Variants in ATL3 observed in about 807,000 individuals in gnomAD.
The protein encoded by ATL3 is atlastin-3.
ATL3 carries 49 observed loss-of-function variants against 69.5 expected under a neutral mutation model. The observed-to-expected ratio is 0.71, with a 90% CI of 0.56 to 0.89. The LOEUF is 0.89. ATL3 is among the 40% of genes least tolerant of loss of function. The probability of loss-of-function intolerance (pLI) is 0.00; values close to 1 mark genes in which losing one functional copy is unlikely to be tolerated. For missense variants in ATL3, 606 were observed against 645.7 expected (o/e 0.94, Z 0.67); for synonymous variants, 214 against 224.1 (o/e 0.95, Z 0.40).
chr11:63,671,107 C>G (rs1187070415), intron 1 of ATL3, among the ~76,000 whole-genome samples, 183 bp downstream of exon 1: 1 of 152,188 alleles, frequency 6.6e-6, no homozygotes, highest in Non-Finnish European at 1.5e-5. Flanking sequence ...GCTGGACCAG[C>G]TGGGCCCGAA....
upstream of ATL3, chr11:63,671,548 C>T: frequency 1.4e-6 from 2 of 1,417,340 alleles, no homozygotes; most frequent in South Asian, 1.5e-5. Flanking sequence ...GAGCGCAGGA[C>T]GAGGCTAGGC....
intron 3 of ATL3, among the ~76,000 whole-genome samples, chr11:63,657,362 T>C (rs1037862571): frequency 2.0e-5 from 3 of 152,188 alleles, no homozygotes; most frequent in African/African-American, 7.2e-5. Context: ...TCTATGCCCA[T>C]AGCTTACAAG....
chr11:63,636,762 G>A (rs1362142576), intron 8 of ATL3, among the ~76,000 whole-genome samples: 1 of 150,244 alleles, frequency 6.7e-6, no homozygotes, highest in Non-Finnish European at 1.5e-5. Context: ...AAAAAAGTGG[G>A]AGAGAAGAAG....
chr11:63,644,055 G>A, intron 7 of ATL3, 114 bp downstream of exon 7: 1 of 683,672 alleles, frequency 1.5e-6, no homozygotes, highest in Non-Finnish European at 2.5e-6. Flanking sequence ...TTCATATATA[G>A]TTAATGTATT....
intron 10 of ATL3, among the ~76,000 whole-genome samples, chr11:63,633,490 T>A (rs1939396128): frequency 6.6e-6 from 1 of 151,878 alleles, no homozygotes; most frequent in South Asian, 2.1e-4. Flanking sequence ...ACTACAACCT[T>A]CGCCTCCTGA....
rs955019113 is a variant in ATL3 at position 63,639,105 on chromosome 11, A to T, written c.851-2771T>A. Among the ~76,000 whole-genome samples the T allele has an allele frequency of 5.3e-5, 8 of 151,780 alleles. No homozygotes were observed. In the South Asian group the frequency reaches 6.2e-4, roughly 12 times the overall value. ...AAATATAATGCCTACCCTTTTTTTTAAATTCTGAAAACTACGTTAGTTCTA... is the reference window on the plus strand; with the variant it reads ...AAATATAATGCCTACCCTTTTTTTTTAATTCTGAAAACTACGTTAGTTCTA... On this transcript the variant is annotated intron_variant, in intron 8 of 12. Coordinates refer to ENST00000398868, the MANE Select transcript of ATL3 (RefSeq NM_015459.5).
chr11:63,671,328 G>C lies in ATL3; in HGVS notation c.8C>G (p.Ser3Cys), dbSNP rs1038855121. The change falls in exon 1 of 13, where the codon TCC (serine) becomes TGC (cysteine). Residue 3 changes from serine (S) to cysteine (C), a missense_variant. Coordinates refer to ENST00000398868, the MANE Select transcript of ATL3 (RefSeq NM_015459.5). The stretch of plus-strand genomic sequence containing the variant: ...GGCAGCTGCTGCCACTCGCTGAGGG[G>C]ACAACATGGAGCCTCCGCCTTCAAA... ML[S>C]PQRVAAAASR... 17 of 1,586,288 alleles carry C rather than the reference G, an allele frequency of 1.1e-5. No individual in the cohort carries two copies. Among genetic ancestry groups the C allele is most frequent in the Non-Finnish European group, 1.5e-5 (17 of 1,168,182 alleles).
intron 8 of ATL3, among the ~76,000 whole-genome samples, chr11:63,638,740 A>C (rs76382726): frequency 6.6e-6 from 1 of 151,832 alleles, no homozygotes. Context: ...AAAAAAAAAA[A>C]CTCAGCAGCT....
rs145981872 is a variant in ATL3 at position 63,641,742 on chromosome 11, C to T, written c.850+1615G>A. 2.7e-3 allele frequency among the ~76,000 whole-genome samples: 412 copies of T among 152,174 alleles called. 1 individual carries two copies. The highest frequency in any genetic ancestry group is 5.4e-3 in the Admixed American group (82 of 15,274). ...TTTGTGGTAATTGGTTAAAGGCAGC[C>T]ACAGGAAATTAATACAACCAAAAGT... On this transcript the variant is annotated intron_variant, in intron 8 of 12. Transcript: ENST00000398868.
rs892735857 is a variant in ATL3 at position 63,625,432 on chromosome 11, T to C, written c.*3887A>G. ...AAGAACCTAGCAAAAAATTAAAAAC[T>C]GTTTTATTAAAGTTTTAATTTTTAA... On this transcript the variant is annotated 3_prime_UTR_variant, in exon 13 of 13. Transcript: ENST00000398868. 1 of 152,156 alleles carries C rather than the reference T, an allele frequency of 6.6e-6. No individual in the cohort carries two copies. Among genetic ancestry groups the C allele is most frequent in the African/African-American group, 2.4e-5 (1 of 41,438 alleles). 9.4% of individuals were successfully genotyped at this position (152,156 alleles called of 1,614,324 possible). A position where few individuals can be genotyped will look rare whatever the true frequency, so the allele number is the denominator to read the frequency against.
chr11:63,664,955 A>G (rs1940531555), intron 1 of ATL3, among the ~76,000 whole-genome samples: 1 of 152,218 alleles, frequency 6.6e-6, no homozygotes, highest in South Asian at 2.1e-4. Flanking sequence ...ATGTGGTTGA[A>G]GGCTACAACC....
chr11:63,645,440 TAC>T (rs1939839800), intron 6 of ATL3, among the ~76,000 whole-genome samples: 1 of 151,934 alleles, frequency 6.6e-6, no homozygotes, highest in Non-Finnish European at 1.5e-5. Flanking sequence ...AAATAAGGCT[TAC>T]ACACTGAAAG....
intron 8 of ATL3, among the ~76,000 whole-genome samples, chr11:63,642,275 G>C (rs1793762994): frequency 1.3e-5 from 2 of 152,134 alleles, no homozygotes; most frequent in Non-Finnish European, 2.9e-5. Context: ...TCACGTAAAA[G>C]TATCAGAGAA....
intron 4 of ATL3, 86 bp from the exon 5 acceptor site, chr11:63,652,072 A>T (rs1940095630): frequency 6.6e-7 from 1 of 1,524,246 alleles, no homozygotes; most frequent in Non-Finnish European, 8.7e-7. Context: ...AGAAGCTTTG[A>T]ACAATTAAAG....
chr11:63,662,015 C>T (rs999250159), intron 1 of ATL3, among the ~76,000 whole-genome samples: 5 of 151,816 alleles, frequency 3.3e-5, no homozygotes, highest in Non-Finnish European at 5.9e-5. Flanking sequence ...AGTTCGAGAC[C>T]ACCCTGGTCC....
At chr11:63,642,017 G>C (rs1477344020) in intron 8 of ATL3, among the ~76,000 whole-genome samples, 2 of 152,116 alleles carry the variant, frequency 1.3e-5, no homozygotes, top group African/African-American at 4.8e-5. Flanking sequence ...TCTGAGTTCA[G>C]GTTGGGAAAA....
At chr11:63,633,815 A>G (rs973337902) in intron 10 of ATL3, among the ~76,000 whole-genome samples, 2 of 150,062 alleles carry the variant, frequency 1.3e-5, no homozygotes, top group Non-Finnish European at 3.0e-5. Context: ...CTGGCGGATC[A>G]TAAGGTCAGG....
chr11:63,669,018 G>T (rs192288261), intron 1 of ATL3, among the ~76,000 whole-genome samples: 2 of 140,854 alleles, frequency 1.4e-5, no homozygotes, highest in East Asian at 2.0e-4. Context: ...TTTGGGTGGG[G>T]GGGGGCGTCT....
At chr11:63,664,973 T>C (rs971398511) in intron 1 of ATL3, among the ~76,000 whole-genome samples, 3 of 152,104 alleles carry the variant, frequency 2.0e-5, no homozygotes, top group Non-Finnish European at 4.4e-5. Context: ...ACCCAAAGGA[T>C]CCAAGTGGCA....
Sources: allele counts gnomAD v4.1 joint callset (sites outside exome capture counted in the v4.1 genomes callset), GRCh38; gene constraint gnomAD v4.1.1; transcripts MANE v1.5; gene names NCBI Gene and HGNC (gene_info 2026-07-23, HGNC 2026-07-21).